Variants in ATOSA observed in about 807,000 individuals in gnomAD.
ATOSA encodes atos homolog A.
the ATOSA span, chr15:52,593,874 G>T: frequency 2.3e-6 from 2 of 883,802 alleles, no homozygotes; most frequent in Non-Finnish European, 3.3e-6. Flanking sequence ...TCTAGCACTA[G>T]AACAGTGGTT....
the ATOSA span, chr15:52,609,201 A>G: frequency 6.2e-7 from 1 of 1,612,332 alleles, no homozygotes; most frequent in African/African-American, 1.3e-5. Flanking sequence ...TTTCTTTACT[A>G]TTATTTTTAA....
At chr15:52,620,795 C>T in the ATOSA span, among the ~76,000 whole-genome samples, 9 of 151,892 alleles carry the variant, frequency 5.9e-5, no homozygotes, top group African/African-American at 1.7e-4. Flanking sequence ...AAAAATTAGC[C>T]GGTGTGGTGG....
chr15:52,592,968 G>C, the ATOSA span, among the ~76,000 whole-genome samples: 7 of 152,176 alleles, frequency 4.6e-5, no homozygotes, highest in Admixed American at 3.3e-4. Flanking sequence ...GCAATATAGG[G>C]AGGCCCTGCC....
At chr15:52,692,710 GA>G in the ATOSA span, among the ~76,000 whole-genome samples, 1 of 152,162 alleles carries the variant, frequency 6.6e-6, no homozygotes, top group Non-Finnish European at 1.5e-5. Flanking sequence ...GACTAGGCTG[GA>G]GTGCAGTGGC....
the ATOSA span, among the ~76,000 whole-genome samples, chr15:52,606,133 G>A: frequency 6.6e-6 from 1 of 151,824 alleles, no homozygotes; most frequent in Non-Finnish European, 1.5e-5. Flanking sequence ...TGTACTCACA[G>A]GAAAAATTCA....
chr15:52,592,849 A>T, the ATOSA span, among the ~76,000 whole-genome samples: 1 of 152,116 alleles, frequency 6.6e-6, no homozygotes, highest in Admixed American at 6.6e-5. Flanking sequence ...CTAGTATCCT[A>T]AAGAACTCTA....
the ATOSA span, among the ~76,000 whole-genome samples, chr15:52,650,817 G>A: frequency 2.0e-5 from 3 of 152,106 alleles, no homozygotes; most frequent in East Asian, 1.9e-4. Context: ...AGGAAAAGCC[G>A]GTTATTAGCT....
the ATOSA span, among the ~76,000 whole-genome samples, chr15:52,702,838 T>C: frequency 1.6e-5 from 2 of 127,884 alleles, no homozygotes; most frequent in Non-Finnish European, 3.4e-5. Flanking sequence ...TCACAAAAGA[T>C]ATAAAAATGA....
the ATOSA span, among the ~76,000 whole-genome samples, chr15:52,591,491 C>G: frequency 1.3e-5 from 2 of 152,168 alleles, no homozygotes; most frequent in Non-Finnish European, 2.9e-5. Flanking sequence ...TTCAGGTGAT[C>G]TGTCCGCCCC....
chr15:52,590,557 C>T, the ATOSA span: 1 of 152,092 alleles, frequency 6.6e-6, no homozygotes. Context: ...TAAGAGGTCC[C>T]AAAATTATTA....
chr15:52,674,727 T>G, the ATOSA span, among the ~76,000 whole-genome samples: 121 of 152,160 alleles, frequency 8.0e-4, 1 homozygote, highest in East Asian at 0.021. Context: ...AAAATAGCAT[T>G]AGGTTATTAA....
the ATOSA span, among the ~76,000 whole-genome samples, chr15:52,616,253 G>A: frequency 4.6e-5 from 7 of 152,354 alleles, no homozygotes; most frequent in Middle Eastern, 3.4e-3. Flanking sequence ...GGTATGTGGT[G>A]AAGACAGTGG....
At chr15:52,624,738 C>A in the ATOSA span, among the ~76,000 whole-genome samples, 1 of 151,498 alleles carries the variant, frequency 6.6e-6, no homozygotes, top group South Asian at 2.1e-4. Flanking sequence ...TTTGGCTTCT[C>A]ATTTATGTGT....
the ATOSA span, among the ~76,000 whole-genome samples, chr15:52,601,980 A>G: frequency 6.6e-6 from 1 of 152,250 alleles, no homozygotes; most frequent in African/African-American, 2.4e-5. Context: ...CATGTCTTCA[A>G]TTCTGGAAAG....
the ATOSA span, chr15:52,587,179 C>T: frequency 1.2e-6 from 2 of 1,613,344 alleles, no homozygotes; most frequent in Non-Finnish European, 1.7e-6. Context: ...AGGAGGTACT[C>T]GATAACCCCT....
the ATOSA span, among the ~76,000 whole-genome samples, chr15:52,627,312 T>A: frequency 5.9e-5 from 9 of 152,200 alleles, no homozygotes; most frequent in African/African-American, 2.2e-4. Context: ...CTTCTAATCG[T>A]TGATTTCAGT....
At chr15:52,647,914 C>T in the ATOSA span, among the ~76,000 whole-genome samples, 2 of 152,148 alleles carry the variant, frequency 1.3e-5, no homozygotes, top group South Asian at 4.1e-4. Context: ...TTTAGCCATG[C>T]ACTTACCCAT....
the ATOSA span, chr15:52,586,905 T>C: frequency 9.1e-6 from 5 of 550,420 alleles, no homozygotes; most frequent in Non-Finnish European, 8.6e-6. Flanking sequence ...AGAGTCCTAT[T>C]GAAGTTATGC....
At chr15:52,608,421 A>T in the ATOSA span, 1 of 664,970 alleles carries the variant, frequency 1.5e-6, no homozygotes, top group Non-Finnish European at 2.3e-6. Context: ...GGATGTTAAT[A>T]CTAGTTCTGT....
Sources: gnomAD v4.1 joint callset for allele counts (sites outside exome capture counted in the v4.1 genomes callset) on GRCh38, gnomAD v4.1.1 for gene constraint, MANE v1.5 for transcripts, NCBI Gene and HGNC (gene_info 2026-07-23, HGNC 2026-07-21) for gene names.